The following CADM2 variants were observed in gnomAD, a reference collection of about 807,000 sequenced individuals.
CADM2 encodes immunoglobulin superfamily member 4D.
CADM2 carries 12 observed loss-of-function variants against 49.8 expected under a neutral mutation model. The ratio of observed to expected loss-of-function variants is 0.24; its 90% CI spans 0.15 to 0.39. The LOEUF is 0.39. Among genes scored for constraint, CADM2 ranks in the 10% least tolerant of loss-of-function variants. CADM2 has a pLI of 1.00. For missense variants in CADM2, 378 were observed against 492.3 expected, an observed-to-expected ratio of 0.77 and a Z score of 2.20; for synonymous variants, 214 against 175.4, an observed-to-expected ratio of 1.22 and a Z score of -1.74.
At chr3:85,727,321 T>G (rs1193688396) in intron 2 of CADM2, among the ~76,000 whole-genome samples, 1 of 152,168 alleles carries the variant, frequency 6.6e-6, no homozygotes, top group Admixed American at 6.6e-5. Context: ...TTTAATACTA[T>G]GACATACGCT....
chr3:85,326,773 T>TA (rs2044765196), intron 1 of CADM2, among the ~76,000 whole-genome samples: 1 of 152,112 alleles, frequency 6.6e-6, no homozygotes, highest in African/African-American at 2.4e-5. Context: ...CTGGGAAACT[T>TA]AAACACTGAA....
chr3:85,473,601 T>A (rs1314019878), intron 1 of CADM2, among the ~76,000 whole-genome samples: 3 of 152,090 alleles, frequency 2.0e-5, no homozygotes, highest in Non-Finnish European at 4.4e-5. Context: ...TACCAAATCT[T>A]CACTCCTGAA....
At chr3:85,623,525 G>GT (rs1663020567) in intron 1 of CADM2, among the ~76,000 whole-genome samples, 1 of 152,238 alleles carries the variant, frequency 6.6e-6, no homozygotes, top group East Asian at 1.9e-4. Context: ...GGCAAACAAC[G>GT]TAAGTGTGAG....
At chr3:85,634,552 A>G (rs974313421) in intron 1 of CADM2, among the ~76,000 whole-genome samples, 14 of 152,044 alleles carry the variant, frequency 9.2e-5, no homozygotes, top group Non-Finnish European at 1.9e-4. Context: ...AGGCTCTACA[A>G]TTTCTGTCAA....
At chr3:85,339,094 TTAACTC>T (rs1221232575) in intron 1 of CADM2, among the ~76,000 whole-genome samples, 2 of 151,548 alleles carry the variant, frequency 1.3e-5, no homozygotes, top group South Asian at 2.1e-4. Flanking sequence ...TGCAAAGTAT[TTAACTC>T]TAATTCTCTG....
chr3:85,866,674 A>G (rs1023381778), intron 3 of CADM2, among the ~76,000 whole-genome samples: 1 of 151,690 alleles, frequency 6.6e-6, no homozygotes, highest in Non-Finnish European at 1.5e-5. Flanking sequence ...TTAATAATTT[A>G]TGTATTTGAA....
At chr3:85,454,093 G>A (rs1366335713) in intron 1 of CADM2, among the ~76,000 whole-genome samples, 2 of 152,038 alleles carry the variant, frequency 1.3e-5, no homozygotes, top group Admixed American at 6.6e-5. Context: ...GGAGGCTCAC[G>A]CCCGTAATCC....
rs376133393 is a variant in CADM2 at position 85,210,688 on chromosome 3, A to G, written c.61+251020A>G. 1.8e-3 allele frequency among the ~76,000 whole-genome samples: 273 copies of G among 152,126 alleles called. 1 individual carries two copies. Among genetic ancestry groups the G allele is most frequent in the African/African-American group, 6.3e-3 (262 of 41,494 alleles). On this transcript the variant is annotated intron_variant, in intron 1 of 9. Coordinates refer to ENST00000383699, the MANE Select transcript of CADM2 (RefSeq NM_001167675.2). ...TCGGAGTAGCTGGGACTGCAGGTAT[A>G]TGCCACCAAGCCCGGCTAATTATTG...
intron 1 of CADM2, among the ~76,000 whole-genome samples, chr3:85,582,961 C>A (rs2062837667): frequency 6.6e-6 from 1 of 151,930 alleles, no homozygotes; most frequent in Non-Finnish European, 1.5e-5. Context: ...GTAATAATAC[C>A]TACCCCAAAA....
chr3:85,339,079 G>C (rs1350702336), intron 1 of CADM2, among the ~76,000 whole-genome samples: 1 of 151,560 alleles, frequency 6.6e-6, no homozygotes, highest in African/African-American at 2.4e-5. Context: ...ATGGTGACAA[G>C]ACTGTGCAAA....
chr3:85,203,349 T>C (rs557831593), intron 1 of CADM2, among the ~76,000 whole-genome samples: 40 of 152,064 alleles, frequency 2.6e-4, no homozygotes, highest in Non-Finnish European at 4.6e-4. Flanking sequence ...ATTTTAATAT[T>C]ATTGTGTGCA....
chr3:85,717,487 T>C (rs2067336193), intron 1 of CADM2, among the ~76,000 whole-genome samples: 1 of 152,172 alleles, frequency 6.6e-6, no homozygotes, highest in African/African-American at 2.4e-5. Context: ...CTTTATTTCT[T>C]TCTCTCCCCT....
intron 1 of CADM2, among the ~76,000 whole-genome samples, chr3:85,646,772 T>C (rs929909457): frequency 6.6e-6 from 1 of 151,872 alleles, no homozygotes; most frequent in Non-Finnish European, 1.5e-5. Context: ...AGGCCAGATT[T>C]AAAGCCGGGA....
chr3:85,958,528 C>T (rs911610388), intron 7 of CADM2, among the ~76,000 whole-genome samples: 5 of 151,902 alleles, frequency 3.3e-5, no homozygotes, highest in Admixed American at 6.6e-5. Context: ...TACCATTCGA[C>T]CCAGCAATCC....
chr3:85,463,111 T>C (rs976308739), intron 1 of CADM2, among the ~76,000 whole-genome samples: 1 of 152,200 alleles, frequency 6.6e-6, no homozygotes, highest in Admixed American at 6.5e-5. Flanking sequence ...TTAACTCTTA[T>C]GATTTTGTAT....
At chr3:85,379,619 C>T (rs1199780072) in intron 1 of CADM2, among the ~76,000 whole-genome samples, 1 of 151,920 alleles carries the variant, frequency 6.6e-6, no homozygotes, top group East Asian at 1.9e-4. Flanking sequence ...AAGGGAAAAG[C>T]ATCCCAGTAA....
chr3:85,995,924 T>C (rs1242067608), intron 8 of CADM2, among the ~76,000 whole-genome samples: 1 of 151,402 alleles, frequency 6.6e-6, no homozygotes, highest in African/African-American at 2.4e-5. Context: ...ACCGTCTCTA[T>C]TAAAAATACA....
intron 1 of CADM2, among the ~76,000 whole-genome samples, chr3:85,496,670 C>A (rs550042004): frequency 5.5e-4 from 83 of 152,252 alleles, no homozygotes; most frequent in African/African-American, 1.9e-3. Flanking sequence ...CAGCGTATAA[C>A]CATTCCCTTT....
chr3:85,823,851 TATA>T (rs1258486840), intron 3 of CADM2, among the ~76,000 whole-genome samples: 1 of 152,248 alleles, frequency 6.6e-6, no homozygotes, highest in East Asian at 1.9e-4. Flanking sequence ...GGTATGTAAG[TATA>T]ATAGAGTATC....
Sources: gnomAD v4.1 joint callset for allele counts (sites outside exome capture counted in the v4.1 genomes callset) on GRCh38, gnomAD v4.1.1 for gene constraint, MANE v1.5 for transcripts, NCBI Gene and HGNC (gene_info 2026-07-23, HGNC 2026-07-21) for gene names.